The following DNAH5 variants were observed in gnomAD, a reference collection of about 807,000 sequenced individuals.
DNAH5 encodes dynein axonemal heavy chain 5.
DNAH5 carries 372 observed loss-of-function variants against 518.2 expected under a neutral mutation model. The observed-to-expected ratio is 0.72, with a 90% CI of 0.66 to 0.78. The LOEUF (loss-of-function observed/expected upper bound fraction) is 0.78. DNAH5 is among the 30% of genes least tolerant of loss of function. DNAH5 has a pLI of 0.00. For missense variants in DNAH5, 5,523 were observed against 5,687.0 expected, an observed-to-expected ratio of 0.97 and a Z score of 0.93; for synonymous variants, 2,039 against 2,025.9, an observed-to-expected ratio of 1.01 and a Z score of -0.17.
intron 13 of DNAH5, 46 bp from the exon 14 acceptor site, chr5:13,901,619 A>T: frequency 2.4e-6 from 3 of 1,228,690 alleles, no homozygotes; most frequent in Non-Finnish European, 3.4e-6. Context: ...GGAATAAAAT[A>T]AATAAAATAC....
intron 47 of DNAH5, among the ~76,000 whole-genome samples, chr5:13,794,668 A>T (rs571700837): frequency 1.6e-4 from 24 of 152,320 alleles, no homozygotes; most frequent in African/African-American, 5.3e-4. Flanking sequence ...TGCACTCTGT[A>T]AAAAACCTTC....
At chr5:13,823,643 T>TAAAAC (rs1457474647) in intron 39 of DNAH5, among the ~76,000 whole-genome samples, 43 of 152,240 alleles carry the variant, frequency 2.8e-4, no homozygotes, top group Non-Finnish European at 1.3e-4. Context: ...TAGTCAGTTT[T>TAAAAC]GGGGGATACC....
chr5:13,964,534 G>C (rs777860194), intron 1 of DNAH5, among the ~76,000 whole-genome samples: 8 of 152,218 alleles, frequency 5.3e-5, no homozygotes, highest in Non-Finnish European at 1.0e-4. Context: ...TGGAGGACGT[G>C]GACTCCAGCT....
At position 13,692,164 on chromosome 5, in the gene DNAH5, G is replaced by A. The variant is rs376239289; in HGVS notation, c.13724-29C>T. Reference sequence around the variant, plus strand: ...CAAAAAACATAAAAGAAAAGAACTTGGTGAAATTTCCACTTTAGAGCCCAA... The same window carrying A: ...CAAAAAACATAAAAGAAAAGAACTTAGTGAAATTTCCACTTTAGAGCCCAA... On this transcript the variant is annotated intron_variant, in intron 78 of 78. Coordinates refer to ENST00000265104, the MANE Select transcript of DNAH5 (RefSeq NM_001369.3). 2.0e-5 allele frequency: 32 copies of A among 1,613,020 alleles called. No homozygotes were observed. The African/African-American group carries it at 3.7e-4, about 19-fold the overall frequency.
At chr5:13,761,933 T>C (rs564231915) in intron 60 of DNAH5, among the ~76,000 whole-genome samples, 1 of 152,320 alleles carries the variant, frequency 6.6e-6, no homozygotes, top group African/African-American at 2.4e-5. Context: ...CTCTTGATTA[T>C]TTGTATGATG....
chr5:13,721,395 A>G (rs751677024), intron 70 of DNAH5, 150 bp from the exon 71 acceptor site: 2 of 915,038 alleles, frequency 2.2e-6, no homozygotes, highest in Non-Finnish European at 3.3e-6. Context: ...TGTTTTTCAT[A>G]TTTGTTTGTT....
Position 13,743,991 on chromosome 5 carries a change from A to G in DNAH5, c.11212-6496T>C, listed in dbSNP as rs1748985554. On this transcript the variant is annotated intron_variant, in intron 65 of 78. Transcript: ENST00000265104. Reference sequence around the variant, plus strand: ...CAATCCCACCACTGGGCATTTATTCAAAGGAAAGGAAATCAGTGTATCGAA... The same window carrying G: ...CAATCCCACCACTGGGCATTTATTCGAAGGAAAGGAAATCAGTGTATCGAA... Among the ~76,000 whole-genome samples, 8 of 152,182 alleles carry G rather than the reference A, an allele frequency of 5.3e-5. 1 individual carries two copies. The South Asian group carries it at 1.7e-3, about 32-fold the overall frequency.
At chr5:13,703,730 G>T (rs553760060) in intron 76 of DNAH5, among the ~76,000 whole-genome samples, 1 of 152,158 alleles carries the variant, frequency 6.6e-6, no homozygotes, top group East Asian at 1.9e-4. Context: ...AACATTCCAA[G>T]ATCCTTGACC....
intron 47 of DNAH5, among the ~76,000 whole-genome samples, chr5:13,794,977 A>C (rs538841006): frequency 3.3e-5 from 5 of 152,330 alleles, no homozygotes; most frequent in African/African-American, 1.2e-4. Context: ...AAAATAAATA[A>C]ATAAATAAAT....
chr5:13,885,804 A>C (rs1772340091), intron 18 of DNAH5, among the ~76,000 whole-genome samples, 160 bp downstream of exon 18: 1 of 152,250 alleles, frequency 6.6e-6, no homozygotes, highest in Non-Finnish European at 1.5e-5. Context: ...TAGAGTCACT[A>C]AAATATGCTC....
chr5:13,780,706 C>T (rs990910326), intron 53 of DNAH5, 123 bp downstream of exon 53: 2 of 1,095,870 alleles, frequency 1.8e-6, no homozygotes, highest in African/African-American at 3.1e-5. Flanking sequence ...GATAAGTCAA[C>T]ATTCAAGAAG....
chr5:13,835,964 G>C (rs1321180186), intron 35 of DNAH5, among the ~76,000 whole-genome samples: 1 of 152,162 alleles, frequency 6.6e-6, no homozygotes. Context: ...TGAAAGCACT[G>C]CTGACCAAAT....
At position 13,753,507 on chromosome 5, in the gene DNAH5, G is replaced by C; in HGVS notation, c.10598C>G (p.Pro3533Arg). 6.2e-7 allele frequency: 1 copy of C among 1,613,964 alleles called. No individual in the cohort carries two copies. Among genetic ancestry groups the C allele is most frequent in the South Asian group, 1.1e-5 (1 of 91,066 alleles). Residue 3533 changes from proline to arginine, a missense_variant, in exon 63 of 79, where the codon CCA (proline) becomes CGA (arginine). Coordinates refer to ENST00000265104, the MANE Select transcript of DNAH5 (RefSeq NM_001369.3). The stretch of plus-strand genomic sequence containing the variant: ...AAGATCACGAAACTCTTGGTTAAAT[G>C]GACCAGAATAAGATAGAAAAGCTGT... ...LATAFLSYSG[P>R]FNQEFRDLLL...
chr5:13,944,361 G>A (rs1779740533), intron 1 of DNAH5, 21 bp downstream of exon 1: 1 of 1,612,570 alleles, frequency 6.2e-7, no homozygotes, highest in Admixed American at 1.7e-5. Context: ...ACATGCAAAG[G>A]TACAGACAAC....
At position 13,902,558 on chromosome 5, in the gene DNAH5, C is replaced by T. The variant is rs115517022; in HGVS notation, c.1645-420G>A. On this transcript the variant is annotated intron_variant, in intron 12 of 78. Coordinates refer to ENST00000265104, the MANE Select transcript of DNAH5 (RefSeq NM_001369.3). ...AAAGAGGCTTGACATCTGCCCAAAC[C>T]CTTGAATAGGAAAAAAAGTCACCCT... Among the ~76,000 whole-genome samples, 897 of 152,246 alleles carry T rather than the reference C, an allele frequency of 5.9e-3. 3 individuals are homozygous for T. Among genetic ancestry groups the T allele is most frequent in the South Asian group, 0.031 (149 of 4,832 alleles).
intron 52 of DNAH5, among the ~76,000 whole-genome samples, chr5:13,781,961 C>G (rs957478231): frequency 6.6e-6 from 1 of 152,208 alleles, no homozygotes; most frequent in Admixed American, 6.5e-5. Flanking sequence ...TTCCACAGCC[C>G]CCTTGTGGCA....
chr5:13,737,776 A>C (rs181626668), intron 65 of DNAH5, among the ~76,000 whole-genome samples: 8 of 151,258 alleles, frequency 5.3e-5, no homozygotes, highest in Middle Eastern at 3.4e-3. Flanking sequence ...ATACAAAAAA[A>C]AATAGCTGGG....
chr5:13,789,259 TATAAC>T (rs1484952728), intron 50 of DNAH5, among the ~76,000 whole-genome samples: 8 of 152,242 alleles, frequency 5.3e-5, no homozygotes, highest in South Asian at 2.1e-4. Flanking sequence ...GTGGCCAGAG[TATAAC>T]ATAAGATACA....
intron 31 of DNAH5, among the ~76,000 whole-genome samples, chr5:13,849,543 C>G (rs1766523538): frequency 6.6e-6 from 1 of 152,174 alleles, no homozygotes; most frequent in Admixed American, 6.6e-5. Context: ...ATCCTATGAA[C>G]CTATCATATG....
Sources: allele counts gnomAD v4.1 joint callset (sites outside exome capture counted in the v4.1 genomes callset), GRCh38; gene constraint gnomAD v4.1.1; transcripts MANE v1.5; gene names NCBI Gene and HGNC (gene_info 2026-07-23, HGNC 2026-07-21).